The following TRIM33 variants were observed in gnomAD, a reference collection of about 807,000 sequenced individuals.
TRIM33 encodes E3 ubiquitin-protein ligase TRIM33.
Under a neutral mutation model 125.4 loss-of-function variants are expected in TRIM33, and 20 were observed. The ratio of observed to expected loss-of-function variants is 0.16; its 90% confidence interval spans 0.11 to 0.23. The LOEUF is 0.23. TRIM33 is among the 10% of genes least tolerant of loss of function. TRIM33 has a pLI of 1.00. For missense variants in TRIM33, 920 were observed against 1,411.4 expected, an observed-to-expected ratio of 0.65 and a Z score of 5.58; for synonymous variants, 564 against 513.9, an observed-to-expected ratio of 1.10 and a Z score of -1.32.
Position 114,463,172 on chromosome 1 carries a change from T to C in TRIM33, c.855A>G (p.Lys285=), listed in dbSNP as rs752117314. 14 of 1,613,260 alleles carry C rather than the reference T, an allele frequency of 8.7e-6. No homozygotes were observed. The African/African-American group carries it at 1.5e-4, about 17-fold the overall frequency. ...FCPVHKQEQL[K]LFCETCDRLT... Reference sequence around the variant, plus strand: ...ATCTATCACATGTTTCACAGAAAAGTTTCAACTGTTCTTGTTTGTGTACAG... The same window carrying C: ...ATCTATCACATGTTTCACAGAAAAGCTTCAACTGTTCTTGTTTGTGTACAG... The change falls in exon 4 of 20, where the codon AAA becomes AAG. Residue 285 remains lysine (K), a synonymous_variant. Coordinates refer to ENST00000358465, the MANE Select transcript of TRIM33 (RefSeq NM_015906.4).
chr1:114,424,485 C>T lies in TRIM33; in HGVS notation c.1860+106G>A, dbSNP rs1036433662. The T allele has an allele frequency of 3.1e-6, 3 of 973,736 alleles. No individual in the cohort carries two copies. In the African/African-American group the frequency reaches 4.9e-5, roughly 16 times the overall value. The allele number at this position is 973,736 out of a possible 1,614,324, so 60.3% of individuals were successfully genotyped here. On this transcript the variant is annotated intron_variant, in intron 10 of 19. Transcript: ENST00000358465. The stretch of plus-strand genomic sequence containing the variant: ...GGACAAGAGGATATACAGCATTAAT[C>T]AAATTCTCAAACACATCAATGACCT...
intron 4 of TRIM33, among the ~76,000 whole-genome samples, chr1:114,439,093 T>C (rs1197640682): frequency 6.6e-6 from 1 of 152,218 alleles, no homozygotes; most frequent in Non-Finnish European, 1.5e-5. Flanking sequence ...TGACATCACC[T>C]GATATTTCAA....
intron 1 of TRIM33, among the ~76,000 whole-genome samples, chr1:114,466,371 T>C (rs954999373): frequency 3.9e-5 from 6 of 152,208 alleles, no homozygotes; most frequent in Non-Finnish European, 7.3e-5. Flanking sequence ...AAGGGTTTAT[T>C]TGGCAGGCCT....
rs535557019 is a variant in TRIM33, at chr1:114,419,450, G to A, written c.2061+1986C>T. 4.3e-4 allele frequency among the ~76,000 whole-genome samples: 65 copies of A among 152,106 alleles called. 2 individuals are homozygous for A. In the South Asian group the frequency reaches 0.013, roughly 30 times the overall value. On this transcript the variant is annotated intron_variant, in intron 11 of 19. Transcript: ENST00000358465. ...TCTCTTACTCTTATCCATAAAACAG[G>A]GATATTACATATCAGGTGATTTTAA...
At chr1:114,498,565 C>T (rs187097970) in intron 1 of TRIM33, among the ~76,000 whole-genome samples, 1 of 152,144 alleles carries the variant, frequency 6.6e-6, no homozygotes. Flanking sequence ...AGAAGAATCG[C>T]TTGACCCAGG....
intron 1 of TRIM33, among the ~76,000 whole-genome samples, chr1:114,497,615 T>A (rs1169810825): frequency 1.3e-5 from 2 of 152,186 alleles, no homozygotes; most frequent in Non-Finnish European, 2.9e-5. Context: ...ATAATTTTCA[T>A]GTGTCACAAA....
intron 1 of TRIM33, among the ~76,000 whole-genome samples, chr1:114,503,963 A>G (rs895011568): frequency 6.6e-6 from 1 of 152,232 alleles, no homozygotes; most frequent in Admixed American, 6.5e-5. Flanking sequence ...CCGCAGCAGA[A>G]GCATTTTAGG....
At chr1:114,428,821 A>AT (rs1007570015) in intron 6 of TRIM33, among the ~76,000 whole-genome samples, 1 of 151,766 alleles carries the variant, frequency 6.6e-6, no homozygotes, top group Non-Finnish European at 1.5e-5. Context: ...TATGTGGCGT[A>AT]TTTACCATTA....
At position 114,457,841 on chromosome 1, in the gene TRIM33, CT is replaced by C. The variant is rs151008214; in HGVS notation, c.923+5262del. Among the ~76,000 whole-genome samples the C allele has an allele frequency of 7.3e-3, 1,113 of 152,296 alleles. 7 individuals carry two copies. The highest frequency in any genetic ancestry group is 0.014 in the Middle Eastern group (4 of 294). The stretch of plus-strand genomic sequence containing the variant: ...AACTCAGCGGGCATGTGATTTTCCC[CT>C]ATGTTTGGGTTTTCACGGAACTCTG... On this transcript the variant is annotated intron_variant, in intron 4 of 19. Coordinates refer to ENST00000358465, the MANE Select transcript of TRIM33 (RefSeq NM_015906.4).
At position 114,425,504 on chromosome 1, in the gene TRIM33, G is replaced by C. The variant is rs1481061454; in HGVS notation, c.1640C>G (p.Thr547Arg). 1 of 1,614,190 alleles carries C rather than the reference G, an allele frequency of 6.2e-7. No homozygotes were observed. The highest frequency in any genetic ancestry group is 1.3e-5 in the African/African-American group (1 of 75,060). The change falls in exon 9 of 20, where the codon ACA becomes AGA. Residue 547 changes from threonine to arginine, a missense_variant. Around this residue, in one of 8 missense-constraint regions of TRIM33, gnomAD observed 407 missense variants for 589.7 expected, o/e 0.69. Coordinates refer to ENST00000358465, the MANE Select transcript of TRIM33 (RefSeq NM_015906.4). ...QQPPAPVPTT[T>R]TTTQQHPRQA... ...TCTAGGATGCTGTTGTGTTGTTGTT[G>C]TTGTAGTTGGTACAGGTGCTGGTGG... is the stretch of plus-strand genomic sequence containing the variant.
intron 1 of TRIM33, among the ~76,000 whole-genome samples, chr1:114,501,050 C>A (rs1431365635): frequency 2.6e-5 from 3 of 115,570 alleles, no homozygotes; most frequent in Admixed American, 2.4e-4. Context: ...ATTAGCCGGG[C>A]GTAGTGGCGG....
chr1:114,463,625 T>C (rs1299612428), intron 2 of TRIM33, 69 bp from the exon 3 acceptor site: 2 of 888,350 alleles, frequency 2.3e-6, no homozygotes, highest in Non-Finnish European at 3.5e-6. Context: ...AAAAAAAAAC[T>C]TGTTCTTCAA....
chr1:114,487,339 C>CAAAAA (rs35231757), intron 1 of TRIM33, among the ~76,000 whole-genome samples: 1 of 58,466 alleles, frequency 1.7e-5, no homozygotes, highest in Non-Finnish European at 3.5e-5. Context: ...CCATGCAGGC[C>CAAAAA]AAAAAAAAAA....
chr1:114,445,855 A>AT (rs918917805), intron 4 of TRIM33, among the ~76,000 whole-genome samples: 7 of 151,826 alleles, frequency 4.6e-5, no homozygotes, highest in South Asian at 2.1e-4. Context: ...TAAATTGAAG[A>AT]TTTTTTTTGT....
chr1:114,464,003 A>G (rs780228559), intron 2 of TRIM33, among the ~76,000 whole-genome samples: 2 of 152,046 alleles, frequency 1.3e-5, no homozygotes, highest in Non-Finnish European at 1.5e-5. Context: ...TCCGGGGCTC[A>G]AGCAATCCTC....
intron 11 of TRIM33, among the ~76,000 whole-genome samples, chr1:114,411,860 T>A (rs1652612547): frequency 6.6e-6 from 1 of 152,186 alleles, no homozygotes; most frequent in African/African-American, 2.4e-5. Flanking sequence ...TGGAAAGACA[T>A]TAATTCATTT....
chr1:114,486,626 G>A (rs961996695), intron 1 of TRIM33, among the ~76,000 whole-genome samples: 4 of 149,384 alleles, frequency 2.7e-5, no homozygotes, highest in Non-Finnish European at 5.9e-5. Context: ...GAAGATAACA[G>A]GCAACAGAAT....
chr1:114,452,465 G>GTAA (rs944655096), intron 4 of TRIM33, among the ~76,000 whole-genome samples: 5 of 151,292 alleles, frequency 3.3e-5, no homozygotes, highest in Non-Finnish European at 4.4e-5. Context: ...TCTCAAAAAA[G>GTAA]TAATAATAAT....
At chr1:114,406,255 C>T (rs941736099) in intron 14 of TRIM33, among the ~76,000 whole-genome samples, 1 of 152,040 alleles carries the variant, frequency 6.6e-6, no homozygotes, top group East Asian at 1.9e-4. Flanking sequence ...TGGATGAAGA[C>T]GTAACAATAC....
Sources: allele counts gnomAD v4.1 joint callset (sites outside exome capture counted in the v4.1 genomes callset), GRCh38; gene constraint gnomAD v4.1.1; regional missense constraint gnomAD v4.1.1; transcripts MANE v1.5; gene names NCBI Gene and HGNC (gene_info 2026-07-23, HGNC 2026-07-21).